SLC4A4: variants seen among roughly 807,000 people sequenced by gnomAD.
SLC4A4 encodes solute carrier family 4 member 4, also known as electrogenic sodium bicarbonate cotransporter 1.
SLC4A4 carries 27 observed loss-of-function variants against 111.5 expected under a neutral mutation model. The ratio of observed to expected loss-of-function variants is 0.24; its 90% CI spans 0.18 to 0.33. SLC4A4 has a LOEUF of 0.33. Among genes scored for constraint, SLC4A4 ranks in the 10% least tolerant of loss-of-function variants. SLC4A4 has a pLI of 1.00. For synonymous variants in SLC4A4, 443 were observed against 463.4 expected, an observed-to-expected ratio of 0.96 and a Z score of 0.57; for missense variants, 909 against 1,315.5, an observed-to-expected ratio of 0.69 and a Z score of 4.78.
intron 5 of SLC4A4, among the ~76,000 whole-genome samples, chr4:71,353,561 C>T (rs1178026818): frequency 2.0e-5 from 3 of 152,136 alleles, no homozygotes; most frequent in Non-Finnish European, 4.4e-5. Flanking sequence ...AAATGACAGA[C>T]AATGGCACAG....
chr4:71,553,921 C>T (rs1397569470), intron 20 of SLC4A4, among the ~76,000 whole-genome samples: 4 of 151,782 alleles, frequency 2.6e-5, no homozygotes. Context: ...AAATTAGCTA[C>T]ATTAAAATTG....
chr4:71,537,015 T>C (rs763101167), intron 18 of SLC4A4, among the ~76,000 whole-genome samples: 3 of 151,854 alleles, frequency 2.0e-5, no homozygotes, highest in Non-Finnish European at 4.4e-5. Context: ...CATATACATA[T>C]CCTTTCTTAC....
At chr4:71,424,996 T>TA (rs368989609) in intron 7 of SLC4A4, among the ~76,000 whole-genome samples, 2,662 of 151,042 alleles carry the variant, frequency 0.018, 51 homozygotes, top group Non-Finnish European at 0.026. Context: ...ATAATAATAA[T>TA]AAAAAAAAAG....
chr4:71,376,277 C>T (rs1732382558), intron 6 of SLC4A4, among the ~76,000 whole-genome samples: 1 of 150,696 alleles, frequency 6.6e-6, no homozygotes, highest in African/African-American at 2.4e-5. Context: ...TATCGGCTCA[C>T]TGCAAGCTCT....
chr4:71,435,507 T>G (rs181882907), intron 7 of SLC4A4, among the ~76,000 whole-genome samples: 76 of 152,248 alleles, frequency 5.0e-4, no homozygotes, highest in African/African-American at 1.5e-3. Flanking sequence ...AGGCAAAGAC[T>G]TCATGACTAA....
intron 2 of SLC4A4, among the ~76,000 whole-genome samples, chr4:71,094,802 A>G (rs919102780): frequency 7.4e-6 from 1 of 134,460 alleles, no homozygotes; most frequent in Non-Finnish European, 1.6e-5. Context: ...CCAGGACAAG[A>G]AAGGTCTCTC....
chr4:71,077,632 C>A (rs1176146795), intron 1 of SLC4A4, among the ~76,000 whole-genome samples: 2 of 152,122 alleles, frequency 1.3e-5, no homozygotes, highest in Non-Finnish European at 2.9e-5. Flanking sequence ...TTTATATTTT[C>A]CATGTGTTAG....
chr4:71,463,667 A>G (rs1209522029), intron 12 of SLC4A4, among the ~76,000 whole-genome samples: 1 of 152,188 alleles, frequency 6.6e-6, no homozygotes, highest in Non-Finnish European at 1.5e-5. Flanking sequence ...ATTGGTTGTT[A>G]TCTTTACCGA....
intron 3 of SLC4A4, among the ~76,000 whole-genome samples, chr4:71,337,117 A>T (rs1337667454): frequency 2.6e-5 from 4 of 152,224 alleles, no homozygotes; most frequent in Admixed American, 2.6e-4. Context: ...TTATGCACAC[A>T]TGTTAGTTAC....
chr4:71,483,964 G>A (rs937971338), intron 14 of SLC4A4, among the ~76,000 whole-genome samples: 1 of 151,408 alleles, frequency 6.6e-6, no homozygotes, highest in Non-Finnish European at 1.5e-5. Flanking sequence ...TTGGCTGCAT[G>A]TATGTCTTCT....
At chr4:71,264,863 C>A (rs1293601700) in intron 3 of SLC4A4, among the ~76,000 whole-genome samples, 2 of 152,092 alleles carry the variant, frequency 1.3e-5, no homozygotes, top group Non-Finnish European at 2.9e-5. Context: ...AGGTTTTGAG[C>A]AAAAGATACG....
intron 1 of SLC4A4, among the ~76,000 whole-genome samples, chr4:71,215,623 C>T (rs983663667): frequency 1.3e-5 from 2 of 152,138 alleles, no homozygotes; most frequent in African/African-American, 4.8e-5. Flanking sequence ...TGTGAATTTC[C>T]ATCTCTTCCC....
chr4:71,127,271 G>A (rs28672675), intron 2 of SLC4A4, among the ~76,000 whole-genome samples: 4,307 of 151,972 alleles, frequency 0.028, 80 homozygotes, highest in Middle Eastern at 0.059. Context: ...CCATGCTAGC[G>A]AGGGGTCCTG....
intron 3 of SLC4A4, among the ~76,000 whole-genome samples, chr4:71,288,900 T>C (rs1331388518): frequency 6.6e-6 from 1 of 152,230 alleles, no homozygotes; most frequent in Admixed American, 6.5e-5. Flanking sequence ...TTTCTTTTTT[T>C]TGTATGATTG....
At chr4:71,226,035 T>C (rs554751430) in intron 1 of SLC4A4, among the ~76,000 whole-genome samples, 1 of 152,378 alleles carries the variant, frequency 6.6e-6, no homozygotes, top group East Asian at 1.9e-4. Flanking sequence ...CCAGCTTCTT[T>C]ATAGGTTTAC....
chr4:71,287,697 C>T (rs560753383), intron 3 of SLC4A4, among the ~76,000 whole-genome samples: 2 of 152,214 alleles, frequency 1.3e-5, no homozygotes, highest in East Asian at 3.9e-4. Flanking sequence ...CTCTGGATTT[C>T]TTTATGCAAT....
intron 3 of SLC4A4, among the ~76,000 whole-genome samples, chr4:71,311,890 T>TGAGAGTGAGA (rs1726204987): frequency 1.3e-5 from 1 of 76,540 alleles, no homozygotes; most frequent in Admixed American, 1.4e-4. Flanking sequence ...TGCAAGGCTG[T>TGAGAGTGAGA]GAGAGAGAGA....
intron 1 of SLC4A4, among the ~76,000 whole-genome samples, chr4:71,223,781 C>T (rs778853954): frequency 1.3e-5 from 2 of 151,744 alleles, no homozygotes; most frequent in Admixed American, 6.6e-5. Flanking sequence ...AGCCCTGTTC[C>T]GAGACTCATG....
intron 3 of SLC4A4, among the ~76,000 whole-genome samples, chr4:71,293,439 T>C (rs764109178): frequency 2.0e-5 from 3 of 151,740 alleles, no homozygotes; most frequent in Non-Finnish European, 4.4e-5. Context: ...GATGCACACC[T>C]GTAGTCCTAG....
Sources: allele counts gnomAD v4.1 joint callset (sites outside exome capture counted in the v4.1 genomes callset), GRCh38; gene constraint gnomAD v4.1.1; transcripts MANE v1.5; gene names NCBI Gene and HGNC (gene_info 2026-07-23, HGNC 2026-07-21).